KSR2: variants seen among roughly 807,000 people sequenced by gnomAD.
KSR2 encodes the protein kinase suppressor of ras 2.
A neutral mutation model predicts 107.8 loss-of-function variants in KSR2; 25 were observed. The ratio of observed to expected loss-of-function variants is 0.23; its 90% confidence interval spans 0.17 to 0.32. KSR2 has a LOEUF of 0.32. Ranked by LOEUF, KSR2 falls within the 10% of genes least tolerant of loss-of-function variation. The probability of loss-of-function intolerance (pLI) is 1.00; values close to 1 mark genes in which losing one functional copy is unlikely to be tolerated. For missense variants in KSR2, 887 were observed against 1,268.9 expected (o/e 0.70, Z 4.57); for synonymous variants, 480 against 507.0 (o/e 0.95, Z 0.71).
At chr12:117,883,477 T>A (rs1894086990) in intron 1 of KSR2, among the ~76,000 whole-genome samples, 1 of 152,078 alleles carries the variant, frequency 6.6e-6, no homozygotes. Flanking sequence ...CCATGGAACT[T>A]CTATTTGATA....
intron 14 of KSR2, among the ~76,000 whole-genome samples, chr12:117,512,021 G>C (rs936903599): frequency 6.6e-6 from 1 of 152,068 alleles, no homozygotes; most frequent in African/African-American, 2.4e-5. Context: ...AGGGTGAAGA[G>C]CTCCACTCCC....
At chr12:117,646,773 C>T (rs1593088166) in intron 5 of KSR2, among the ~76,000 whole-genome samples, 2 of 152,286 alleles carry the variant, frequency 1.3e-5, no homozygotes, top group South Asian at 4.1e-4. Context: ...CCCGGCATTG[C>T]TCCCAAAGAG....
intron 3 of KSR2, among the ~76,000 whole-genome samples, chr12:117,789,400 T>C (rs1890183575): frequency 6.6e-6 from 1 of 152,194 alleles, no homozygotes; most frequent in Non-Finnish European, 1.5e-5. Flanking sequence ...AGGCACATAC[T>C]TACTTTTCCC....
chr12:117,959,228 A>G (rs1200530605), intron 1 of KSR2, among the ~76,000 whole-genome samples: 1 of 152,222 alleles, frequency 6.6e-6, no homozygotes, highest in Non-Finnish European at 1.5e-5. Context: ...CCAAGCTCAC[A>G]CATCCAGCTG....
chr12:117,743,109 G>A (rs1021746485), intron 4 of KSR2, among the ~76,000 whole-genome samples: 6 of 152,208 alleles, frequency 3.9e-5, no homozygotes, highest in Non-Finnish European at 7.3e-5. Flanking sequence ...CAGGCCAAGG[G>A]CCTGCTGCTC....
intron 3 of KSR2, among the ~76,000 whole-genome samples, chr12:117,813,312 A>G (rs1481773132): frequency 6.6e-6 from 1 of 152,172 alleles, no homozygotes; most frequent in Non-Finnish European, 1.5e-5. Context: ...AAAAGCATCT[A>G]CACAGCAAAA....
chr12:117,772,859 T>C (rs1462010774), intron 3 of KSR2, among the ~76,000 whole-genome samples: 1 of 152,216 alleles, frequency 6.6e-6, no homozygotes, highest in African/African-American at 2.4e-5. Context: ...TTTACTTTCT[T>C]TCCTTGAAGT....
At chr12:117,930,805 T>C (rs1895673673) in intron 1 of KSR2, among the ~76,000 whole-genome samples, 3 of 152,134 alleles carry the variant, frequency 2.0e-5, no homozygotes, top group Admixed American at 1.3e-4. Context: ...TCCCAGCTAC[T>C]TGGGAGGCTG....
At chr12:117,665,526 A>G (rs1884623692) in intron 5 of KSR2, among the ~76,000 whole-genome samples, 1 of 152,190 alleles carries the variant, frequency 6.6e-6, no homozygotes, top group Admixed American at 6.5e-5. Context: ...GCCAAGGTAA[A>G]TGCCAAGCAC....
intron 9 of KSR2, among the ~76,000 whole-genome samples, chr12:117,543,909 T>A (rs908027086): frequency 6.6e-6 from 1 of 152,220 alleles, no homozygotes; most frequent in Non-Finnish European, 1.5e-5. Context: ...TGCAGTTGCA[T>A]CACTCTAATC....
rs1480853433 is a variant in KSR2, at chr12:117,465,016, C to G, written c.*2183G>C. ...ACATTTCAGCTGCAGGGTAGTAGACCCTGGCTGCCTCTTCCCTTCCTCATA... is the reference window on the plus strand; with the variant it reads ...ACATTTCAGCTGCAGGGTAGTAGACGCTGGCTGCCTCTTCCCTTCCTCATA... On this transcript the variant is annotated 3_prime_UTR_variant, in exon 20 of 20. Coordinates refer to ENST00000339824, the MANE Select transcript of KSR2 (RefSeq NM_173598.6). 6.6e-6 allele frequency: 1 copy of G among 152,144 alleles called. No individual in the cohort carries two copies. The highest frequency in any genetic ancestry group is 1.5e-5 in the Non-Finnish European group (1 of 68,040). The allele number at this position is 152,144 out of a possible 1,614,324, so 9.4% of individuals were successfully genotyped here. A position where few individuals can be genotyped will look rare whatever the true frequency, so the allele number is the denominator to read the frequency against.
chr12:117,862,549 G>GT (rs1893335437), intron 1 of KSR2, among the ~76,000 whole-genome samples: 1 of 152,088 alleles, frequency 6.6e-6, no homozygotes, highest in South Asian at 2.1e-4. Context: ...GGAGGCTGAG[G>GT]TGGGAGGATC....
At chr12:117,476,651 C>A in intron 16 of KSR2, 56 bp from the exon 17 acceptor site, 2 of 1,535,296 alleles carry the variant, frequency 1.3e-6, no homozygotes, top group Non-Finnish European at 1.8e-6. Flanking sequence ...TGGACCAGTC[C>A]CCCTGGCACT....
chr12:117,860,152 G>A lies in KSR2; in HGVS notation c.321+139C>T, dbSNP rs555948875. On this transcript the variant is annotated intron_variant, in intron 2 of 19. Transcript: ENST00000339824. ...AGCATCAGCGATCCTGAATGTTTTC[G>A]TCCAGCACATATTTATTGAGAGCCT... The A allele has an allele frequency of 2.6e-5, 22 of 835,178 alleles. No individual in the cohort carries two copies. The African/African-American group carries it at 2.7e-4, about 10-fold the overall frequency. The allele number at this position is 835,178 out of a possible 1,614,324, so 51.7% of individuals were successfully genotyped here.
chr12:117,837,501 T>C (rs1055769304), intron 3 of KSR2, among the ~76,000 whole-genome samples: 3 of 152,058 alleles, frequency 2.0e-5, no homozygotes, highest in Admixed American at 1.3e-4. Flanking sequence ...GGAAAAGGCA[T>C]CCCAGTGTCT....
intron 7 of KSR2, among the ~76,000 whole-genome samples, chr12:117,559,174 G>C (rs1197379105): frequency 6.6e-6 from 1 of 152,088 alleles, no homozygotes; most frequent in East Asian, 1.9e-4. Flanking sequence ...GATGTGAGAT[G>C]AGATGGGGCA....
intron 1 of KSR2, among the ~76,000 whole-genome samples, chr12:117,956,653 G>T (rs1029539149): frequency 6.7e-6 from 1 of 148,254 alleles, no homozygotes; most frequent in African/African-American, 2.5e-5. Context: ...TGGACTGGGG[G>T]TGGCTGCTCA....
At chr12:117,918,257 T>C (rs1895240695) in intron 1 of KSR2, among the ~76,000 whole-genome samples, 1 of 152,202 alleles carries the variant, frequency 6.6e-6, no homozygotes, top group African/African-American at 2.4e-5. Context: ...AAACCCAACA[T>C]GGTGTTTGTG....
intron 1 of KSR2, among the ~76,000 whole-genome samples, chr12:117,924,597 GAAAGAAAGA>G (rs1381882347): frequency 8.5e-6 from 1 of 117,166 alleles, no homozygotes; most frequent in Non-Finnish European, 1.8e-5. Context: ...AAAAAAAAAA[GAAAGAAAGA>G]AAAGAAAGAA....
Sources: allele counts gnomAD v4.1 joint callset (sites outside exome capture counted in the v4.1 genomes callset), GRCh38; gene constraint gnomAD v4.1.1; transcripts MANE v1.5; gene names NCBI Gene and HGNC (gene_info 2026-07-23, HGNC 2026-07-21).